ZNF646: variants seen among roughly 807,000 people sequenced by gnomAD.
ZNF646 encodes the protein zinc finger protein 646.
ZNF646 carries 49 observed loss-of-function variants against 115.4 expected under a neutral mutation model. That is an observed-to-expected ratio of 0.42 (90% CI 0.34 to 0.54). ZNF646 has a LOEUF of 0.54. ZNF646 is among the 20% of genes least tolerant of loss of function. The pLI is 0.04. For missense variants in ZNF646, 2,269 were observed against 2,457.9 expected (o/e 0.92, Z 1.62); for synonymous variants, 933 against 939.0 (o/e 0.99, Z 0.12).
chr16:31,079,032 C>A lies in ZNF646; in HGVS notation c.2708C>A (p.Ala903Asp). Residue 903 changes from alanine (A) to aspartate (D), a missense_variant, in exon 2 of 3, where the codon GCC becomes GAC. Physicochemically the swap from Ala to Asp is moderately radical, Grantham distance 126 (BLOSUM62 -2). Transcript: ENST00000300850. The surrounding 1 kb of genome is among the most constrained non-coding windows in gnomAD (Gnocchi z 5.5). ...GGCTACAGGCTTCACCGGCGCCAGG[C>A]CCACAGCTCCTCTGGCATGACTGAG... ...RAGYRLHRRQ[A>D]HSSSGMTEGS... 1 of 1,584,532 alleles carries A rather than the reference C, an allele frequency of 6.3e-7. No individual in the cohort carries two copies. The highest frequency in any genetic ancestry group is 8.6e-7 in the Non-Finnish European group (1 of 1,163,036).
chr16:31,083,612 T>G lies in ZNF646; in HGVS notation c.*520T>G. ...GTGTGGGAGTGTCCACAGACACCCC[T>G]GTCCTGCAGGGTGGGGAGTGGGCAC... On this transcript the variant is annotated 3_prime_UTR_variant, in exon 3 of 3. Coordinates refer to ENST00000300850, the MANE Select transcript of ZNF646 (RefSeq NM_014699.4). The G allele has an allele frequency of 6.7e-7, 1 of 1,492,748 alleles. No individual in the cohort carries two copies. Among genetic ancestry groups the G allele is most frequent in the Non-Finnish European group, 9.0e-7 (1 of 1,115,636 alleles). The allele number at this position is 1,492,748 out of a possible 1,614,324, so 92.5% of individuals were successfully genotyped here.
At position 31,083,996 on chromosome 16, in the gene ZNF646, T is replaced by C; in HGVS notation, c.*904T>C. ...ACAAAGAACCAGAATCTGAATCAAA[T>C]GGGTCTGCCTGTTGCTCCACCCTAC... On this transcript the variant is annotated 3_prime_UTR_variant, in exon 3 of 3. Coordinates refer to ENST00000300850, the MANE Select transcript of ZNF646 (RefSeq NM_014699.4). 1.3e-6 allele frequency: 2 copies of C among 1,496,174 alleles called. No homozygotes were observed. The highest frequency in any genetic ancestry group is 1.3e-5 in the South Asian group (1 of 74,146). The allele number at this position is 1,496,174 out of a possible 1,614,324, so 92.7% of individuals were successfully genotyped here.
At position 31,081,043 on chromosome 16, in the gene ZNF646, G is replaced by T. The variant is rs200778610; in HGVS notation, c.4719G>T (p.Lys1573Asn). 1.4e-5 allele frequency: 23 copies of T among 1,613,938 alleles called. No homozygotes were observed. In the East Asian group the frequency reaches 4.2e-4, roughly 30 times the overall value. The change falls in exon 2 of 3, where the codon AAG becomes AAT. Residue 1573 changes from lysine (K) to asparagine (N), a missense_variant. Physicochemically the swap from Lys to Asn is moderately conservative, Grantham distance 94. Coordinates refer to ENST00000300850, the MANE Select transcript of ZNF646 (RefSeq NM_014699.4). ...SKEFLNPVAT[K>N]SHSHNHIDAQ... is the part of the protein sequence containing the mutation. ...AGTTCTTAAATCCTGTGGCCACAAA[G>T]AGCCACAGCCACAACCACATAGACG...
rs1212799576 is a variant in ZNF646 at position 31,083,735 on chromosome 16, GT to G, written c.*644del. On this transcript the variant is annotated 3_prime_UTR_variant, in exon 3 of 3. Coordinates refer to ENST00000300850, the MANE Select transcript of ZNF646 (RefSeq NM_014699.4). The stretch of plus-strand genomic sequence containing the variant: ...TGACAGGGTGGGGAGGACAGGGGCA[GT>G]AATGCCATTTGCCTGCCTGCATTCT... The G allele has an allele frequency of 9.3e-6, 15 of 1,613,836 alleles. No individual in the cohort carries two copies. Among genetic ancestry groups the G allele is most frequent in the Non-Finnish European group, 1.3e-5 (15 of 1,179,926 alleles).
chr16:31,080,838 T>C lies in ZNF646; in HGVS notation c.4514T>C (p.Leu1505Pro), dbSNP rs1395781058. ...RSPCHAGDCQ[L>P]NGPTLSHMDS... ...CCTTGCCACGCTGGTGACTGCCAGC[T>C]CAATGGACCTACTCTGAGTCACATG... Residue 1505 changes from leucine (L) to proline (P), a missense_variant, in exon 2 of 3, where the codon CTC (leucine) becomes CCC (proline). Coordinates refer to ENST00000300850, the MANE Select transcript of ZNF646 (RefSeq NM_014699.4). 1 of 1,613,998 alleles carries C rather than the reference T, an allele frequency of 6.2e-7. No homozygotes were observed.
chr16:31,080,223 G>A lies in ZNF646; in HGVS notation c.3899G>A (p.Arg1300His), dbSNP rs138621373. The A allele has an allele frequency of 2.5e-5, 40 of 1,611,414 alleles. No individual in the cohort carries two copies. Among genetic ancestry groups the A allele is most frequent in the Middle Eastern group, 3.3e-4 (2 of 6,058 alleles). ...GCGACTCGGGAAGATCGGCCCTTCC[G>A]CTGTGGGCAGTGCGGGCGGACCTAT... Reference protein sequence around the residue: ...RKATREDRPFRCGQCGRTYRH... With the variant: ...RKATREDRPFHCGQCGRTYRH... The change falls in exon 2 of 3, where the codon CGC becomes CAC. Residue 1300 changes from arginine (R) to histidine (H), a missense_variant. Physicochemically the swap from Arg to His is conservative, Grantham distance 29. This residue lies in a region of ZNF646 where 1,062 missense variants were observed against 1,172.8 expected (regional missense o/e 0.91). Coordinates refer to ENST00000300850, the MANE Select transcript of ZNF646 (RefSeq NM_014699.4).
Position 31,078,115 on chromosome 16 carries a change from T to G in ZNF646, c.1791T>G (p.His597Gln). 2 of 1,614,146 alleles carry G rather than the reference T, an allele frequency of 1.2e-6. No individual in the cohort carries two copies. Among genetic ancestry groups the G allele is most frequent in the Non-Finnish European group, 1.7e-6 (2 of 1,180,050 alleles). Residue 597 changes from histidine to glutamine, a missense_variant, in exon 2 of 3, where the codon CAT (histidine) becomes CAG (glutamine). By Grantham distance (24) the His-to-Gln change is conservative (BLOSUM62 0). This residue lies in a region of ZNF646 where 852 missense variants were observed against 900.2 expected (regional missense o/e 0.95). Transcript: ENST00000300850. Reference sequence around the variant, plus strand: ...GCCTTGAACGTCATGGCCTGACTCATGGGGCAGGGGAAAAGGAAAATAGCA... The same window carrying G: ...GCCTTGAACGTCATGGCCTGACTCAGGGGGCAGGGGAAAAGGAAAATAGCA... ...AESLERHGLT[H>Q]GAGEKENSRT...
In ZNF646 at chr16:31,079,988, C is replaced by T. The variant is rs780438440; in HGVS notation, c.3664C>T (p.Arg1222Trp). ...YKHAGSLINH[R>W]QSHQTGHFGC... ...GCACGCCGGCAGCCTCATCAACCAC[C>T]GGCAGAGCCACCAGACCGGCCACTT... is the stretch of plus-strand genomic sequence containing the variant. Residue 1222 changes from arginine (R) to tryptophan (W), a missense_variant, in exon 2 of 3, where the codon CGG becomes TGG. By Grantham distance (101) the Arg-to-Trp change is moderately radical. This residue lies in a region of ZNF646 where 1,062 missense variants were observed against 1,172.8 expected (regional missense o/e 0.91). Transcript: ENST00000300850. This position sits in a 1 kb window ranked among gnomAD's most constrained non-coding sequence, Gnocchi z 5.5. The T allele has an allele frequency of 2.4e-5, 39 of 1,607,770 alleles. No homozygotes were observed. Among genetic ancestry groups the T allele is most frequent in the African/African-American group, 8.0e-5 (6 of 74,912 alleles).
Position 31,078,368 on chromosome 16 carries a change from A to T in ZNF646, c.2044A>T (p.Ser682Cys), listed in dbSNP as rs776114850. The T allele has an allele frequency of 3.1e-6, 5 of 1,612,666 alleles. No homozygotes were observed. The highest frequency in any genetic ancestry group is 4.2e-6 in the Non-Finnish European group (5 of 1,179,608). ...GCATCGGAAGCGGGCTGGCGGTGCC[A>T]GCGGTGGGAGAGAAGCCAAACTCCT... ...RRHRKRAGGA[S>C]GGREAKLLAA... The change falls in exon 2 of 3, where the codon AGC becomes TGC. Residue 682 changes from serine (S) to cysteine (C), a missense_variant. Transcript: ENST00000300850.
At chr16:31,081,998 G>A (rs2057168966) in intron 2 of ZNF646, 6 of 462,046 alleles carry the variant, frequency 1.3e-5, no homozygotes, top group African/African-American at 2.0e-5. Context: ...TGGTCTTTCT[G>A]TTCAGGGGAA....
chr16:31,082,571 A>G (rs889550), intron 2 of ZNF646: 241,284 of 243,544 alleles, frequency 0.99, 119,575 homozygotes, highest in Middle Eastern at 1. Flanking sequence ...TGGAAGCCGC[A>G]GCTGCCAGGG....
chr16:31,080,324 A>G lies in ZNF646; in HGVS notation c.4000A>G (p.Thr1334Ala), dbSNP rs2057138587. The change falls in exon 2 of 3, where the codon ACC becomes GCC. Residue 1334 changes from threonine (T) to alanine (A), a missense_variant. Coordinates refer to ENST00000300850, the MANE Select transcript of ZNF646 (RefSeq NM_014699.4). ...GQYSCPTCPKTYSNRMALKDH... is the reference protein window; with the variant it reads ...GQYSCPTCPKAYSNRMALKDH... ...GTACAGCTGCCCCACCTGCCCCAAG[A>G]CCTACTCCAACCGCATGGCCCTGAA... 1.2e-6 allele frequency: 2 copies of G among 1,613,516 alleles called. No homozygotes were observed. Among genetic ancestry groups the G allele is most frequent in the Non-Finnish European group, 1.7e-6 (2 of 1,179,902 alleles).
chr16:31,075,083 A>G (rs2057059737), intron 1 of ZNF646, among the ~76,000 whole-genome samples: 1 of 152,174 alleles, frequency 6.6e-6, no homozygotes, highest in South Asian at 2.1e-4. Context: ...ACATGGTAAT[A>G]TAATACTCTT....
intron 1 of ZNF646, 55 bp from the exon 2 acceptor site, chr16:31,076,191 C>A: frequency 1.6e-6 from 2 of 1,253,380 alleles, no homozygotes; most frequent in Non-Finnish European, 2.1e-6. Flanking sequence ...GCTCGTAGAG[C>A]CAAGAGGCGA....
At position 31,079,516 on chromosome 16, in the gene ZNF646, G is replaced by A. The variant is rs759042510; in HGVS notation, c.3192G>A (p.Gly1064=). The A allele has an allele frequency of 1.2e-5, 20 of 1,613,402 alleles. No individual in the cohort carries two copies. Among genetic ancestry groups the A allele is most frequent in the Non-Finnish European group, 1.7e-5 (20 of 1,180,012 alleles). ...AGTGTGGCAAGACCTATCGCCATGG[G>A]GGCAGCCTGGTGAACCACCGCAAGA... ...CNQCGKTYRH[G]GSLVNHRKIH... Residue 1064 remains glycine (G), a synonymous_variant, in exon 2 of 3, where the codon GGG becomes GGA. Transcript: ENST00000300850. This position sits in a 1 kb window ranked among gnomAD's most constrained non-coding sequence, Gnocchi z 5.5.
At position 31,077,390 on chromosome 16, in the gene ZNF646, G is replaced by A. The variant is rs2057092128; in HGVS notation, c.1066G>A (p.Glu356Lys). The A allele has an allele frequency of 6.2e-7, 1 of 1,613,136 alleles. No homozygotes were observed. Among genetic ancestry groups the A allele is most frequent in the Non-Finnish European group, 8.5e-7 (1 of 1,179,798 alleles). Residue 356 changes from glutamate to lysine, a missense_variant, in exon 2 of 3, where the codon GAG becomes AAG. This residue lies in a region of ZNF646 where 852 missense variants were observed against 900.2 expected (regional missense o/e 0.95). Coordinates refer to ENST00000300850, the MANE Select transcript of ZNF646 (RefSeq NM_014699.4). ...PSAQMLNGSA[E>K]LSTSGELEDS... ...TGCACAGATGCTGAATGGCTCTGCGGAGCTCAGCACCTCTGGGGAGCTGGA... is the reference window on the plus strand; with the variant it reads ...TGCACAGATGCTGAATGGCTCTGCGAAGCTCAGCACCTCTGGGGAGCTGGA...
rs1315281138 is a variant in ZNF646 at position 31,081,553 on chromosome 16, A to G, written c.5229A>G (p.Thr1743=). The G allele has an allele frequency of 1.9e-6, 3 of 1,613,736 alleles. No homozygotes were observed. The highest frequency in any genetic ancestry group is 1.7e-6 in the Non-Finnish European group (2 of 1,180,004). Residue 1743 remains threonine, a synonymous_variant, in exon 2 of 3, where the codon ACA becomes ACG. Coordinates refer to ENST00000300850, the MANE Select transcript of ZNF646 (RefSeq NM_014699.4). ...CCSICGKAFR[T]AARLEGHGRV... ...GCATCTGTGGCAAGGCCTTTCGGAC[A>G]GCTGCCCGGCTGGAGGGCCACGGGC...
chr16:31,082,472 G>A, intron 2 of ZNF646: 1 of 185,788 alleles, frequency 5.4e-6, no homozygotes. Context: ...TGAAGTCCAG[G>A]CCCAGCTGCA....
rs1450010949 is a variant in ZNF646 at position 31,077,855 on chromosome 16, G to A, written c.1531G>A (p.Val511Met). Reference protein sequence around the residue: ...YPNLMALRNHVRVHCKAARRS... With the variant: ...YPNLMALRNHMRVHCKAARRS... ...CAATCTCATGGCCCTGCGCAACCAC[G>A]TGCGGGTACATTGCAAGGCTGCTCG... Residue 511 changes from valine (V) to methionine (M), a missense_variant, in exon 2 of 3, where the codon GTG becomes ATG. Physicochemically the swap from Val to Met is conservative, Grantham distance 21. Around this residue, in one of 5 missense-constraint regions of ZNF646, gnomAD observed 852 missense variants for 900.2 expected, o/e 0.95. Coordinates refer to ENST00000300850, the MANE Select transcript of ZNF646 (RefSeq NM_014699.4). The A allele has an allele frequency of 9.3e-6, 15 of 1,613,748 alleles. No individual in the cohort carries two copies. Among genetic ancestry groups the A allele is most frequent in the South Asian group, 6.6e-5 (6 of 91,070 alleles).
Sources: allele counts gnomAD v4.1 joint callset (sites outside exome capture counted in the v4.1 genomes callset), GRCh38; gene constraint gnomAD v4.1.1; regional missense constraint gnomAD v4.1.1; non-coding constraint Gnocchi (gnomAD v3.1); transcripts MANE v1.5; gene names NCBI Gene and HGNC (gene_info 2026-07-23, HGNC 2026-07-21).